ZNF182: variants seen among roughly 807,000 people sequenced by gnomAD.
ZNF182 encodes the protein zinc finger protein 182, also known as zinc finger protein 21 (KOX 14).
A neutral mutation model predicts 28.1 loss-of-function variants in ZNF182; 10 were observed. That is an observed-to-expected ratio of 0.36 (90% CI 0.22 to 0.60). The LOEUF is 0.60. Among genes scored for constraint, ZNF182 ranks in the 20% least tolerant of loss-of-function variants. The pLI is 0.75. For synonymous variants in ZNF182, 156 were observed against 158.7 expected (o/e 0.98, Z 0.13); for missense variants, 352 against 453.2 (o/e 0.78, Z 2.03).
intron 5 of ZNF182, among the ~76,000 whole-genome samples, chrX:47,979,964 T>C (rs1162382421): frequency 9.2e-6 from 1 of 108,542 alleles, no homozygotes; most frequent in African/African-American, 3.4e-5. Context: ...ATGAGATCAT[T>C]TGCTAAAAGA....
intron 3 of ZNF182, among the ~76,000 whole-genome samples, chrX:47,986,719 C>G (rs1387098292): frequency 9.0e-6 from 1 of 111,273 alleles, no homozygotes; most frequent in Admixed American, 9.5e-5. Flanking sequence ...AAAGGCAGAC[C>G]CACCCTCAGT....
chrX:47,995,323 C>T (rs184639629), intron 3 of ZNF182, among the ~76,000 whole-genome samples: 312 of 110,937 alleles, frequency 2.8e-3, no homozygotes, highest in African/African-American at 9.5e-3. Context: ...CAGAGCGAGA[C>T]GCTGTCTCAA....
At chrX:47,978,270 T>C (rs2058893108) in intron 5 of ZNF182, among the ~76,000 whole-genome samples, 1 of 110,875 alleles carries the variant, frequency 9.0e-6, no homozygotes, top group Admixed American at 9.7e-5. Context: ...GGTCTCACTA[T>C]GTTGCCCAGG....
Position 47,975,003 on chromosome X carries a change from G to A in ZNF182, c.*1164C>T, listed in dbSNP as rs373773956. ...GCCCCTTCCCCTCCCAAGGTAATCA[G>A]GGTTACCAGGTTCTCATGTCTCTTT... On this transcript the variant is annotated 3_prime_UTR_variant, in exon 6 of 6. Coordinates refer to ENST00000376943, the MANE Select transcript of ZNF182 (RefSeq NM_001007088.2). The A allele has an allele frequency of 9.0e-6, 1 of 111,071 alleles. No individual in the cohort carries two copies. The highest frequency in any genetic ancestry group is 3.3e-5 in the African/African-American group (1 of 30,498). 9.2% of individuals were successfully genotyped at this position (111,071 alleles called of 1,213,427 possible). A position where few individuals can be genotyped will look rare whatever the true frequency, so the allele number is the denominator to read the frequency against.
At chrX:47,990,336 G>C (rs2058937347) in intron 3 of ZNF182, among the ~76,000 whole-genome samples, 1 of 110,614 alleles carries the variant, frequency 9.0e-6, no homozygotes, top group Non-Finnish European at 1.9e-5. Flanking sequence ...GGCTACACAG[G>C]GCTCAACATA....
rs3747294 is a variant in ZNF182, at chrX:48,002,528, G to A, written c.15+67C>T. 703 of 1,172,433 alleles carry A rather than the reference G, an allele frequency of 6.0e-4. 5 individuals are homozygous for A. In the East Asian group the frequency reaches 0.02, roughly 34 times the overall value. ...CAAATACTTTCCTATTTTATGGCAG[G>A]GATTTCCACATATTTCGTCACATCC... is the stretch of plus-strand genomic sequence containing the variant. On this transcript the variant is annotated intron_variant, in intron 3 of 5. Coordinates refer to ENST00000376943, the MANE Select transcript of ZNF182 (RefSeq NM_001007088.2).
At chrX:47,997,069 G>A (rs1403997926) in intron 3 of ZNF182, among the ~76,000 whole-genome samples, 8 of 111,253 alleles carry the variant, frequency 7.2e-5, no homozygotes, top group Admixed American at 3.8e-4. Context: ...GCTCACACCT[G>A]TAATCCCAGC....
intron 3 of ZNF182, among the ~76,000 whole-genome samples, chrX:47,988,063 T>C (rs1442541312): frequency 9.0e-6 from 1 of 111,118 alleles, no homozygotes; most frequent in East Asian, 2.8e-4. Context: ...ATGCCTGTAA[T>C]CCCAGCACTT....
chrX:47,993,683 T>C (rs2146469817), intron 3 of ZNF182, among the ~76,000 whole-genome samples: 1 of 111,749 alleles, frequency 8.9e-6, no homozygotes, highest in Admixed American at 9.5e-5. Context: ...GAAACAGAAG[T>C]TATAAAACAG....
chrX:47,999,710 T>C (rs187895240), intron 3 of ZNF182, among the ~76,000 whole-genome samples: 26 of 112,732 alleles, frequency 2.3e-4, no homozygotes, highest in Non-Finnish European at 4.5e-4. Flanking sequence ...AATTTTTGAA[T>C]GTTCTCAATA....
At chrX:47,998,236 C>T (rs2058966046) in intron 3 of ZNF182, among the ~76,000 whole-genome samples, 1 of 110,156 alleles carries the variant, frequency 9.1e-6, no homozygotes, top group African/African-American at 3.3e-5. Context: ...AGGCACGTGC[C>T]ACCACACCTA....
Position 47,977,233 on chromosome X carries a change from GTA to G in ZNF182, c.795_796del (p.Thr266ArgfsTer6), listed in dbSNP as rs1556898356. On this transcript the variant is annotated frameshift_variant, in exon 6 of 6. Transcript: ENST00000376943. LOFTEE classifies it high-confidence loss of function. ...AGGACACTCAAAGGGTCTCTCTCCT[GTA>G]TGAGTTCGCAAGTGTATAATGAGCT... 8.3e-7 allele frequency: 1 copy of G among 1,209,405 alleles called. No individual in the cohort carries two copies. Among genetic ancestry groups the G allele is most frequent in the Non-Finnish European group, 1.1e-6 (1 of 894,804 alleles).
chrX:47,985,656 C>T (rs1290771162), intron 3 of ZNF182, among the ~76,000 whole-genome samples: 1 of 110,949 alleles, frequency 9.0e-6, no homozygotes. Flanking sequence ...ATTATTAAAC[C>T]TGAGTGTATA....
intron 4 of ZNF182, 66 bp from the exon 5 acceptor site, chrX:47,983,104 A>G (rs2058911922): frequency 1.8e-6 from 2 of 1,132,650 alleles, no homozygotes; most frequent in Non-Finnish European, 2.4e-6. Context: ...AAGAAGTTAC[A>G]TATTGGGGGC....
chrX:47,995,327 G>A (rs1556900958), intron 3 of ZNF182, among the ~76,000 whole-genome samples: 7 of 111,234 alleles, frequency 6.3e-5, no homozygotes, highest in Non-Finnish European at 1.9e-5. Context: ...GCGAGACGCT[G>A]TCTCAAAAAT....
At chrX:47,998,813 C>T (rs906004138) in intron 3 of ZNF182, among the ~76,000 whole-genome samples, 1 of 102,612 alleles carries the variant, frequency 9.7e-6, no homozygotes, top group South Asian at 4.4e-4. Flanking sequence ...GAGCCGAGAT[C>T]GCACCACTAT....
In ZNF182 at chrX:48,002,716, A is replaced by G. The variant is rs782718249; in HGVS notation, c.-44-63T>C. 2.3e-5 allele frequency: 23 copies of G among 985,204 alleles called. No homozygotes were observed. In the East Asian group the frequency reaches 7.0e-4, roughly 30 times the overall value. The allele number at this position is 985,204 out of a possible 1,213,427, so 81.2% of individuals were successfully genotyped here. A position where few individuals can be genotyped will look rare whatever the true frequency, so the allele number is the denominator to read the frequency against. On this transcript the variant is annotated intron_variant, in intron 2 of 5. Coordinates refer to ENST00000376943, the MANE Select transcript of ZNF182 (RefSeq NM_001007088.2). ...CCCCATCAGACTTTCAGTGCCCAGA[A>G]TTAGCTGCCTAGCAATCCCCTCACA...
intron 3 of ZNF182, among the ~76,000 whole-genome samples, chrX:48,001,274 G>T (rs1245679849): frequency 8.9e-6 from 1 of 112,276 alleles, no homozygotes; most frequent in Non-Finnish European, 1.9e-5. Context: ...CCAAAAACTG[G>T]AAATAACGCA....
intron 5 of ZNF182, among the ~76,000 whole-genome samples, chrX:47,980,648 T>G (rs923208523): frequency 2.2e-4 from 24 of 111,474 alleles, no homozygotes; most frequent in African/African-American, 7.5e-4. Context: ...AAATATATAT[T>G]CTTATAGGCT....
Sources: allele counts gnomAD v4.1 joint callset (sites outside exome capture counted in the v4.1 genomes callset), GRCh38; gene constraint gnomAD v4.1.1; transcripts MANE v1.5; gene names NCBI Gene and HGNC (gene_info 2026-07-23, HGNC 2026-07-21).